Variants in C22orf31 observed in about 807,000 individuals in gnomAD.
The protein encoded by C22orf31 is chromosome 22 open reading frame 31, also known as uncharacterized protein C22orf31.
A neutral mutation model predicts 15.0 loss-of-function variants in C22orf31; 11 were observed. That is an observed-to-expected ratio of 0.73 (90% CI 0.46 to 1.21). C22orf31 has a LOEUF of 1.21. Among genes scored for constraint, C22orf31 ranks in the 50% most tolerant of loss-of-function variants. The probability of loss-of-function intolerance (pLI) is 0.00; values close to 1 mark genes in which losing one functional copy is unlikely to be tolerated. For missense variants in C22orf31, 340 were observed against 347.2 expected (o/e 0.98, Z 0.17); for synonymous variants, 132 against 133.3 (o/e 0.99, Z 0.07).
At chr22:29,066,776 G>T (rs2037434844), upstream of C22orf31, among the ~76,000 whole-genome samples, 1 of 151,750 alleles carries the variant, frequency 6.6e-6, no homozygotes, top group South Asian at 2.1e-4. Context: ...AGCCAGGCTG[G>T]TCTTGGACTC....
chr22:29,061,859 C>T, upstream of C22orf31: 1 of 1,272,918 alleles, frequency 7.9e-7, no homozygotes, highest in Non-Finnish European at 1.1e-6. Flanking sequence ...TTTTCTCTTT[C>T]CTTTTTCTCT....
intron 2 of C22orf31, among the ~76,000 whole-genome samples, chr22:29,059,471 T>A (rs2037358510): frequency 6.6e-6 from 1 of 152,168 alleles, no homozygotes; most frequent in African/African-American, 2.4e-5. Flanking sequence ...CCACGCAAGA[T>A]CCTAATTATT....
upstream of C22orf31, among the ~76,000 whole-genome samples, chr22:29,065,879 C>CT (rs1041617762): frequency 6.6e-5 from 10 of 152,156 alleles, no homozygotes; most frequent in African/African-American, 2.2e-4. Flanking sequence ...TCCCATGAAG[C>CT]TTTTTTATTC....
At chr22:29,071,415 G>A in the C22orf31 span, among the ~76,000 whole-genome samples, 1 of 151,988 alleles carries the variant, frequency 6.6e-6, no homozygotes, top group Non-Finnish European at 1.5e-5. Flanking sequence ...GGAGTTTGGG[G>A]GTACGCGGGC....
chr22:29,070,372 G>A, the C22orf31 span, among the ~76,000 whole-genome samples: 1 of 152,220 alleles, frequency 6.6e-6, no homozygotes, highest in Non-Finnish European at 1.5e-5. Flanking sequence ...AGGAGGGGCT[G>A]CTGCCAGCCC....
At chr22:29,060,021 CTTTTTTTTTTT>C in intron 2 of C22orf31, 5 of 540,078 alleles carry the variant, frequency 9.3e-6, no homozygotes, top group African/African-American at 2.7e-5. Flanking sequence ...TTTTTCTTTT[CTTTTTTTTTTT>C]TTTTTTTTTT....
chr22:29,060,056 G>GA, intron 2 of C22orf31: 1 of 800,284 alleles, frequency 1.2e-6, no homozygotes, highest in Non-Finnish European at 1.5e-6. Context: ...TTTTTAGACA[G>GA]GGTCTTGCTC....
the C22orf31 span, among the ~76,000 whole-genome samples, chr22:29,068,320 C>T: frequency 4.8e-3 from 733 of 151,930 alleles, 17 homozygotes; most frequent in Admixed American, 0.041. Flanking sequence ...GAACTCCTAA[C>T]CTCAAGTGAT....
rs769516505 is a variant in C22orf31, at chr22:29,058,691, T to C, written c.*51A>G. On this transcript the variant is annotated 3_prime_UTR_variant, in exon 3 of 3. Coordinates refer to ENST00000216071, the MANE Select transcript of C22orf31 (RefSeq NM_015370.2). ...AACACGGAAGGTGCAAAGTTGTGTT[T>C]ATTTTTCAGATCTCTAGCAGAGAAT... The C allele has an allele frequency of 2.1e-6, 3 of 1,422,818 alleles. No individual in the cohort carries two copies. Among genetic ancestry groups the C allele is most frequent in the Non-Finnish European group, 2.9e-6 (3 of 1,040,866 alleles). The allele number at this position is 1,422,818 out of a possible 1,614,324, so 88.1% of individuals were successfully genotyped here.
At chr22:29,065,197 T>C (rs548549963), upstream of C22orf31, among the ~76,000 whole-genome samples, 820 of 152,320 alleles carry the variant, frequency 5.4e-3, 6 homozygotes, top group Non-Finnish European at 8.0e-3. Context: ...CATCTGACCC[T>C]TTCTTGAGCT....
chr22:29,064,001 G>C (rs2037413027), upstream of C22orf31, among the ~76,000 whole-genome samples: 1 of 152,122 alleles, frequency 6.6e-6, no homozygotes. Context: ...CCAAGTAGCT[G>C]GGATTATAGG....
rs756488608 is a variant in C22orf31 at position 29,058,852 on chromosome 22, C to T, written c.763G>A (p.Gly255Ser). The stretch of plus-strand genomic sequence containing the variant: ...CTCTGAGCACCTTCAGAGATGGCAC[C>T]CTGACTGCAAAGAGCCTCCCAGAGC... ...QKLWEALCSQ[G>S]AISEGAQRDR... The change falls in exon 3 of 3, where the codon GGT (glycine) becomes AGT (serine). Residue 255 changes from glycine (G) to serine (S), a missense_variant. Coordinates refer to ENST00000216071, the MANE Select transcript of C22orf31 (RefSeq NM_015370.2). 6.2e-7 allele frequency: 1 copy of T among 1,614,154 alleles called. No individual in the cohort carries two copies. The highest frequency in any genetic ancestry group is 8.5e-7 in the Non-Finnish European group (1 of 1,180,016).
chr22:29,066,808 G>C (rs893557006), upstream of C22orf31, among the ~76,000 whole-genome samples: 1 of 151,884 alleles, frequency 6.6e-6, no homozygotes, highest in Non-Finnish European at 1.5e-5. Flanking sequence ...TGATCCACCT[G>C]CCTCGGCCTC....
rs2037352292 is a variant in C22orf31 at position 29,059,026 on chromosome 22, G to A, written c.589C>T (p.Gln197Ter). ...ATGGTTAGCGTGTCCTCCGACAACT[G>A]CTGTCTCTTTTGGGTTTCAGGAAGC... ...VLLPETQKRQ[Q>*]LSEDTLTIHG... Residue 197 changes from glutamine to a stop codon, truncating the protein, a stop_gained, in exon 3 of 3, where the codon CAG becomes TAG. Coordinates refer to ENST00000216071, the MANE Select transcript of C22orf31 (RefSeq NM_015370.2). LOFTEE classifies it low-confidence loss of function (END_TRUNC). The A allele has an allele frequency of 5.0e-6, 8 of 1,614,114 alleles. No individual in the cohort carries two copies. The highest frequency in any genetic ancestry group is 1.6e-4 in the Middle Eastern group (1 of 6,084).
At chr22:29,062,453 A>T (rs134559), upstream of C22orf31, among the ~76,000 whole-genome samples, 1 of 151,990 alleles carries the variant, frequency 6.6e-6, no homozygotes, top group African/African-American at 2.4e-5. Context: ...CAAATGCAGT[A>T]ATTAGAGCTG....
At chr22:29,061,718 A>G in intron 1 of C22orf31, 72 bp downstream of exon 1, 2 of 1,145,878 alleles carry the variant, frequency 1.7e-6, no homozygotes, top group East Asian at 4.8e-5. Context: ...CAATTTGGAT[A>G]GATTAGAATC....
chr22:29,061,445 T>C (rs1233585514), intron 1 of C22orf31, among the ~76,000 whole-genome samples: 1 of 152,080 alleles, frequency 6.6e-6, no homozygotes, highest in Non-Finnish European at 1.5e-5. Flanking sequence ...GTTGTATTTT[T>C]AGTAGAGACA....
At chr22:29,059,493 A>C (rs1175485296) in intron 2 of C22orf31, among the ~76,000 whole-genome samples, 1 of 152,248 alleles carries the variant, frequency 6.6e-6, no homozygotes, top group Non-Finnish European at 1.5e-5. Context: ...ACCCTCTGCC[A>C]GGCTCTGTTC....
chr22:29,059,721 T>C, intron 2 of C22orf31: 1 of 985,350 alleles, frequency 1.0e-6, no homozygotes, highest in Non-Finnish European at 1.2e-6. Context: ...AAGTTCTCCA[T>C]GTGGACGCTC....
Sources: gnomAD v4.1 joint callset for allele counts (sites outside exome capture counted in the v4.1 genomes callset) on GRCh38, gnomAD v4.1.1 for gene constraint, MANE v1.5 for transcripts, NCBI Gene and HGNC (gene_info 2026-07-23, HGNC 2026-07-21) for gene names.